Variants in ELN observed in about 807,000 individuals in gnomAD.
ELN encodes the protein tropoelastin.
ELN carries 65 observed loss-of-function variants against 105.8 expected under a neutral mutation model. The observed-to-expected ratio is 0.61, with a 90% CI of 0.50 to 0.75. The LOEUF is 0.75. Among genes scored for constraint, ELN ranks in the 30% least tolerant of loss-of-function variants. The probability of loss-of-function intolerance (pLI) is 0.00; values close to 1 mark genes in which losing one functional copy is unlikely to be tolerated. For missense variants in ELN, 882 were observed against 969.4 expected (o/e 0.91, Z 1.20); for synonymous variants, 368 against 389.2 (o/e 0.95, Z 0.64).
chr7:74,040,009 C>T (rs375012670), intron 4 of ELN, among the ~76,000 whole-genome samples: 116 of 152,296 alleles, frequency 7.6e-4, no homozygotes, highest in African/African-American at 2.7e-3. Flanking sequence ...ATGCTAGAAT[C>T]CTTGGGGCAT....
At chr7:74,054,918 C>A in intron 19 of ELN, 149 bp downstream of exon 19, 1 of 837,302 alleles carries the variant, frequency 1.2e-6, no homozygotes, top group Non-Finnish European at 2.0e-6. Flanking sequence ...CAATGTCTCC[C>A]CCATTTGTCT....
intron 4 of ELN, among the ~76,000 whole-genome samples, chr7:74,040,977 C>T (rs541316164): frequency 2.6e-5 from 4 of 152,192 alleles, no homozygotes; most frequent in Non-Finnish European, 5.9e-5. Flanking sequence ...AGGAGAAGCA[C>T]AGGCCTGGCC....
In ELN at chr7:74,046,680, C is replaced by T. The variant is rs782012758; in HGVS notation, c.572-16C>T. 6.2e-7 allele frequency: 1 copy of T among 1,614,172 alleles called. No individual in the cohort carries two copies. The highest frequency in any genetic ancestry group is 1.1e-5 in the South Asian group (1 of 91,076). ...GGGGGTGCTGGGACCTGAACTTGCTCTCTTTATTCCCACAGGAGTTGGACC... is the reference window on the plus strand; with the variant it reads ...GGGGGTGCTGGGACCTGAACTTGCTTTCTTTATTCCCACAGGAGTTGGACC... On this transcript the variant is annotated splice_polypyrimidine_tract_variant and intron_variant, in intron 11 of 32. Transcript: ENST00000252034.
intron 19 of ELN, 50 bp downstream of exon 19, chr7:74,054,819 G>A: frequency 6.2e-7 from 1 of 1,606,566 alleles, no homozygotes; most frequent in Non-Finnish European, 8.5e-7. Flanking sequence ...GCCTTTACTT[G>A]CCAGAACTAA....
intron 1 of ELN, among the ~76,000 whole-genome samples, chr7:74,031,428 T>C (rs1409190162): frequency 6.6e-6 from 1 of 152,200 alleles, no homozygotes; most frequent in Non-Finnish European, 1.5e-5. Flanking sequence ...TTGTAATTAG[T>C]GCACATTGCT....
At chr7:74,051,892 A>G in intron 16 of ELN, 32 bp from the exon 17 acceptor site, 1 of 1,614,124 alleles carries the variant, frequency 6.2e-7, no homozygotes, top group East Asian at 2.2e-5. Context: ...GCCACAGGGC[A>G]AGGACCTCAC....
In ELN at chr7:74,052,024, C is replaced by CT. The variant is rs782710468; in HGVS notation, c.949+42dup. The CT allele has an allele frequency of 8.1e-6, 13 of 1,610,028 alleles. No homozygotes were observed. In the African/African-American group the frequency reaches 1.7e-4, roughly 22 times the overall value. On this transcript the variant is annotated intron_variant, in intron 17 of 32. Transcript: ENST00000252034. ...GGTGGCAAGTCCACGGCTCGGGCCCCTGCATAGACCTCGGAGACCCTAGCC... is the reference window on the plus strand; with the variant it reads ...GGTGGCAAGTCCACGGCTCGGGCCCCTTGCATAGACCTCGGAGACCCTAGCC...
At chr7:74,047,524 C>T (rs940979097) in intron 12 of ELN, 151 bp from the exon 13 acceptor site, 15 of 1,039,108 alleles carry the variant, frequency 1.4e-5, no homozygotes, top group African/African-American at 4.7e-5. Context: ...CCTCCTTCAC[C>T]CAGCGCCTTT....
chr7:74,047,118 C>T (rs1232871401), intron 12 of ELN, among the ~76,000 whole-genome samples: 1 of 152,080 alleles, frequency 6.6e-6, no homozygotes, highest in South Asian at 2.1e-4. Flanking sequence ...AAATGTACCA[C>T]TCACTGCACC....
intron 9 of ELN, 138 bp downstream of exon 9, chr7:74,044,058 C>A: frequency 8.4e-7 from 1 of 1,186,762 alleles, no homozygotes; most frequent in Non-Finnish European, 1.2e-6. Context: ...CCAGCCTGGG[C>A]ATCATAGTAA....
rs1554686140 is a variant in ELN at position 74,063,218 on chromosome 7, G to A, written c.1852G>A (p.Val618Met). Residue 618 changes from valine to methionine, a missense_variant, in exon 27 of 33, where the codon GTG becomes ATG. Physicochemically the swap from Val to Met is conservative, Grantham distance 21 (BLOSUM62 1). Coordinates refer to ENST00000252034, the MANE Select transcript of ELN (RefSeq NM_000501.4). The surrounding 1 kb of genome is among the most constrained non-coding windows in gnomAD (Gnocchi z 4.1). ...ALGGVGIPGG[V>M]VGAGPAAAAA... is the part of the protein sequence containing the mutation. ...CGGTGGAGTAGGCATCCCAGGCGGT[G>A]TGGTGGGTGAGTTGAAACCCCAGGA... The A allele has an allele frequency of 1.2e-6, 2 of 1,608,070 alleles. No homozygotes were observed. The highest frequency in any genetic ancestry group is 1.7e-6 in the Non-Finnish European group (2 of 1,178,362).
At chr7:74,048,904 C>T (rs1554674239) in intron 15 of ELN, among the ~76,000 whole-genome samples, 2 of 151,704 alleles carry the variant, frequency 1.3e-5, no homozygotes, top group African/African-American at 4.8e-5. Context: ...TCCATCCATT[C>T]ATCCATCCAT....
chr7:74,028,308 G>A (rs782153925), intron 1 of ELN, 39 bp downstream of exon 1: 26 of 1,588,486 alleles, frequency 1.6e-5, no homozygotes, highest in East Asian at 2.3e-5. Context: ...GCTGCCCACA[G>A]CTGCGGGCCC....
intron 15 of ELN, among the ~76,000 whole-genome samples, chr7:74,049,600 T>A (rs1008433416): frequency 6.7e-5 from 10 of 148,658 alleles, no homozygotes; most frequent in Admixed American, 2.7e-4. Context: ...CATGCATCCA[T>A]CCTTCCATCC....
Position 74,048,498 on chromosome 7 carries a change from C to G in ELN, c.746-5C>G. On this transcript the variant is annotated splice_polypyrimidine_tract_variant and splice_region_variant and intron_variant, in intron 14 of 32. Transcript: ENST00000252034. ...AGGTCTCTCCCCTCTGCTTCCTTCC[C>G]CCAGGGGTTGGCCCCCAGGCAGCAG... The G allele has an allele frequency of 6.2e-7, 1 of 1,614,034 alleles. No homozygotes were observed. The highest frequency in any genetic ancestry group is 8.5e-7 in the Non-Finnish European group (1 of 1,179,934).
At chr7:74,057,456 G>T in intron 21 of ELN, 184 bp from the exon 22 acceptor site, 1 of 1,547,658 alleles carries the variant, frequency 6.5e-7, no homozygotes, top group South Asian at 1.2e-5. Context: ...GCCGGGCACG[G>T]GAGGAGTGCC....
chr7:74,040,782 G>A (rs965121488), intron 4 of ELN, among the ~76,000 whole-genome samples: 1 of 152,182 alleles, frequency 6.6e-6, no homozygotes, highest in African/African-American at 2.4e-5. Flanking sequence ...TGGAAGGACA[G>A]ATGGGTAGTG....
At chr7:74,029,249 C>T (rs782616849) in intron 1 of ELN, among the ~76,000 whole-genome samples, 1 of 152,000 alleles carries the variant, frequency 6.6e-6, no homozygotes, top group Non-Finnish European at 1.5e-5. Context: ...CATGGAAAGG[C>T]GGGCTGGAGA....
At chr7:74,052,871 AAGAGAGAG>A (rs782502952) in intron 17 of ELN, 3 of 414,584 alleles carry the variant, frequency 7.2e-6, no homozygotes, top group East Asian at 4.5e-5. Flanking sequence ...GAAAGAAAGA[AAGAGAGAG>A]AGAGAGAGAG....
Sources: allele counts gnomAD v4.1 joint callset (sites outside exome capture counted in the v4.1 genomes callset), GRCh38; gene constraint gnomAD v4.1.1; non-coding constraint Gnocchi (gnomAD v3.1); transcripts MANE v1.5; gene names NCBI Gene and HGNC (gene_info 2026-07-23, HGNC 2026-07-21).